The following TUBA1C variants were observed in gnomAD, a reference collection of about 807,000 sequenced individuals.
TUBA1C encodes the protein tubulin alpha-1C chain.
A neutral mutation model predicts 34.9 loss-of-function variants in TUBA1C; 16 were observed. That is an observed-to-expected ratio of 0.46 (90% confidence interval 0.31 to 0.70). The LOEUF (loss-of-function observed/expected upper bound fraction) is 0.70. Ranked by LOEUF, TUBA1C falls within the 30% of genes least tolerant of loss-of-function variation. The pLI, the probability that TUBA1C is intolerant of heterozygous loss-of-function variation, is 0.05. For synonymous variants in TUBA1C, 177 were observed against 215.9 expected (o/e 0.82, Z 1.58); for missense variants, 329 against 587.3 (o/e 0.56, Z 4.55).
chr12:49,230,056 G>T (rs1243942424), intron 1 of TUBA1C, among the ~76,000 whole-genome samples: 2 of 151,288 alleles, frequency 1.3e-5, no homozygotes, highest in Admixed American at 6.6e-5. Flanking sequence ...AAAGTGCCGG[G>T]ATTACAGGCA....
intron 1 of TUBA1C, among the ~76,000 whole-genome samples, chr12:49,259,411 T>G (rs1280491845): frequency 6.6e-6 from 1 of 151,934 alleles, no homozygotes; most frequent in African/African-American, 2.4e-5. Flanking sequence ...TTAATAGAGT[T>G]GGGTTTTCAC....
At chr12:49,235,607 C>T (rs1251912685) in intron 1 of TUBA1C, among the ~76,000 whole-genome samples, 1 of 151,910 alleles carries the variant, frequency 6.6e-6, no homozygotes, top group Non-Finnish European at 1.5e-5. Flanking sequence ...TGGTGGTGCG[C>T]GCCTGTAATT....
chr12:49,264,827 TTCCTCCCCTTCCTCCCCTTCCTCCCC>T (rs1942880220), upstream of TUBA1C: 13 of 105,790 alleles, frequency 1.2e-4, no homozygotes, highest in African/African-American at 4.1e-4. Context: ...CTTCCTCCCC[TTCCTCCCCTTCCTCCCCTTCCTCCCC>T]TTCCTCCCCT....
chr12:49,236,136 A>G (rs950011566), intron 1 of TUBA1C, among the ~76,000 whole-genome samples: 1 of 152,266 alleles, frequency 6.6e-6, no homozygotes, highest in Non-Finnish European at 1.5e-5. Flanking sequence ...AGCCCTGCCA[A>G]CATTTTCCAA....
rs759900059 is a variant in TUBA1C at position 49,272,960 on chromosome 12, T to C, written c.1083T>C (p.Thr361=). The part of the protein sequence containing the change: ...FKVGINYQPP[T]VVPGGDLAKV... ...TTGGCATTAATTACCAGCCTCCCACTGTGGTGCCTGGCGGAGACCTGGCCA... is the reference window on the plus strand; with the variant it reads ...TTGGCATTAATTACCAGCCTCCCACCGTGGTGCCTGGCGGAGACCTGGCCA... The change falls in exon 4 of 4, where the codon ACT becomes ACC. Residue 361 remains threonine, a synonymous_variant. Coordinates refer to ENST00000301072, the MANE Select transcript of TUBA1C (RefSeq NM_032704.5). 6.2e-7 allele frequency: 1 copy of C among 1,614,130 alleles called. No homozygotes were observed. Among genetic ancestry groups the C allele is most frequent in the Non-Finnish European group, 8.5e-7 (1 of 1,180,058 alleles).
upstream of TUBA1C, chr12:49,265,064 G>A (rs770929150): frequency 1.2e-5 from 16 of 1,360,184 alleles, no homozygotes; most frequent in Non-Finnish European, 1.4e-5. Flanking sequence ...AAGGCCCTTC[G>A]GGGCCGGCCA....
In TUBA1C at chr12:49,272,909, G is replaced by A. The variant is rs1943012988; in HGVS notation, c.1032G>A (p.Val344=). ...TIKTKRTIQF[V]DWCPTGFKVG... ...AAACCAAGCGTACCATCCAGTTTGT[G>A]GATTGGTGCCCCACTGGCTTCAAGG... is the stretch of plus-strand genomic sequence containing the variant. The change falls in exon 4 of 4, where the codon GTG becomes GTA. Residue 344 remains valine, a synonymous_variant. Coordinates refer to ENST00000301072, the MANE Select transcript of TUBA1C (RefSeq NM_032704.5). 1 of 1,614,208 alleles carries A rather than the reference G, an allele frequency of 6.2e-7. No individual in the cohort carries two copies. Among genetic ancestry groups the A allele is most frequent in the South Asian group, 1.1e-5 (1 of 91,082 alleles).
In TUBA1C at chr12:49,246,866, G is replaced by A. The variant is rs538068587; in HGVS notation, c.213+18700G>A. 1.2e-4 allele frequency among the ~76,000 whole-genome samples: 19 copies of A among 152,206 alleles called. No homozygotes were observed. The South Asian group carries it at 2.5e-3, about 20-fold the overall frequency. On this transcript the variant is annotated intron_variant, in intron 1 of 3. Coordinates refer to the TUBA1C transcript ENST00000541364. ...CAGACTTAAAAAGTAAAACAAGGCC[G>A]GGCACAGTGGCTCACAGTGACCCAG...
intron 1 of TUBA1C, among the ~76,000 whole-genome samples, chr12:49,246,419 C>G (rs908901351): frequency 1.3e-5 from 2 of 151,552 alleles, no homozygotes; most frequent in Non-Finnish European, 2.9e-5. Context: ...GTGGCTCACG[C>G]CTGTAATCCC....
At chr12:49,228,775 C>CTTGT (rs1419029351) in intron 1 of TUBA1C, among the ~76,000 whole-genome samples, 3 of 152,174 alleles carry the variant, frequency 2.0e-5, no homozygotes, top group African/African-American at 7.2e-5. Context: ...TAGGCGCTAA[C>CTTGT]ACAATCTGCA....
intron 1 of TUBA1C, among the ~76,000 whole-genome samples, chr12:49,259,055 G>T (rs1009378736): frequency 2.0e-5 from 3 of 151,678 alleles, no homozygotes; most frequent in Admixed American, 6.6e-5. Flanking sequence ...CACCGCACCC[G>T]GCCAAAAATG....
chr12:49,266,946 AGT>A (rs1426929424), intron 1 of TUBA1C, among the ~76,000 whole-genome samples: 1 of 152,236 alleles, frequency 6.6e-6, no homozygotes, highest in African/African-American at 2.4e-5. Context: ...TACTGGTAAA[AGT>A]GGGATTCACA....
intron 1 of TUBA1C, among the ~76,000 whole-genome samples, chr12:49,231,665 T>A (rs1347972579): frequency 1.3e-5 from 2 of 152,084 alleles, no homozygotes; most frequent in African/African-American, 4.8e-5. Flanking sequence ...AAACTTCTGC[T>A]ACTTAAAAAA....
intron 1 of TUBA1C, among the ~76,000 whole-genome samples, chr12:49,228,875 A>G (rs1256776569): frequency 1.3e-5 from 2 of 152,128 alleles, no homozygotes; most frequent in Non-Finnish European, 2.9e-5. Context: ...GTGTGTTACT[A>G]TCCTCTCCAC....
intron 1 of TUBA1C, among the ~76,000 whole-genome samples, chr12:49,248,775 G>C (rs997829128): frequency 2.0e-5 from 3 of 151,014 alleles, no homozygotes; most frequent in African/African-American, 7.3e-5. Context: ...GGCTGAGGCA[G>C]GAGAATGGCG....
At chr12:49,246,937 C>G (rs1259479805) in intron 1 of TUBA1C, among the ~76,000 whole-genome samples, 1 of 151,648 alleles carries the variant, frequency 6.6e-6, no homozygotes, top group African/African-American at 2.4e-5. Context: ...GTCAGGAGCT[C>G]GAGACCAGCC....
At chr12:49,250,523 CAAAAA>C (rs562107706) in intron 1 of TUBA1C, among the ~76,000 whole-genome samples, 3 of 54,920 alleles carry the variant, frequency 5.5e-5, no homozygotes, top group Admixed American at 4.0e-4. Context: ...GACTCCGTCT[CAAAAA>C]AAAAAAAAAA....
chr12:49,263,222 G>A (rs546189938), upstream of TUBA1C, among the ~76,000 whole-genome samples: 3 of 151,816 alleles, frequency 2.0e-5, no homozygotes, highest in Admixed American at 6.6e-5. Context: ...GGGTTTCACC[G>A]TGTTAGCCAG....
In TUBA1C at chr12:49,265,106, G is replaced by A; in HGVS notation, c.-76G>A. On this transcript the variant is annotated 5_prime_UTR_variant, in exon 1 of 4. Coordinates refer to ENST00000301072, the MANE Select transcript of TUBA1C (RefSeq NM_032704.5). ...CACTACTTCTCCCCCGGACTCCTTG[G>A]TAGTCTGTTAGTGGGAGATCCTTGT... is the stretch of plus-strand genomic sequence containing the variant. 1 of 1,550,224 alleles carries A rather than the reference G, an allele frequency of 6.5e-7. No homozygotes were observed. The highest frequency in any genetic ancestry group is 8.8e-7 in the Non-Finnish European group (1 of 1,140,586).
Sources: allele counts gnomAD v4.1 joint callset (sites outside exome capture counted in the v4.1 genomes callset), GRCh38; gene constraint gnomAD v4.1.1; transcripts MANE v1.5; gene names NCBI Gene and HGNC (gene_info 2026-07-23, HGNC 2026-07-21).